The following RAB37 variants were observed in gnomAD, a reference collection of about 807,000 sequenced individuals.
RAB37 encodes ras-related protein Rab-37.
RAB37 carries 29 observed loss-of-function variants against 33.1 expected under a neutral mutation model. The observed-to-expected ratio is 0.88, with a 90% CI of 0.65 to 1.20. RAB37 has a LOEUF of 1.20. Ranked by LOEUF, RAB37 falls within the 50% of genes most tolerant of loss-of-function variation. The probability of loss-of-function intolerance (pLI) is 0.00; values close to 1 mark genes in which losing one functional copy is unlikely to be tolerated. For missense variants in RAB37, 299 were observed against 301.1 expected, an observed-to-expected ratio of 0.99 and a Z score of 0.05; for synonymous variants, 128 against 119.5, an observed-to-expected ratio of 1.07 and a Z score of -0.47.
At chr17:74,683,636 A>G (rs149958508) in intron 1 of RAB37, among the ~76,000 whole-genome samples, 5 of 152,308 alleles carry the variant, frequency 3.3e-5, no homozygotes, top group African/African-American at 9.6e-5. Context: ...TTTTTATTTT[A>G]TATAGCCATT....
Position 74,703,186 on chromosome 17 carries a change from C to T in RAB37, c.73-26070C>T, listed in dbSNP as rs549099527. 7.1e-6 allele frequency: 11 copies of T among 1,546,224 alleles called. No individual in the cohort carries two copies. The East Asian group carries it at 1.8e-4, about 25-fold the overall frequency. On this transcript the variant is annotated intron_variant, in intron 1 of 7. Transcript: ENST00000340415. ...TGTATAAACCAGATCACAGATGCCC[C>T]TGCCCATGAGCCCACCCGCAGCCCT...
chr17:74,712,945 G>T, intron 1 of RAB37: 2 of 1,424,806 alleles, frequency 1.4e-6, no homozygotes, highest in Non-Finnish European at 2.0e-6. Flanking sequence ...GCCTTCTGCT[G>T]GTACTCACTC....
intron 1 of RAB37, among the ~76,000 whole-genome samples, chr17:74,700,613 A>G (rs759862891): frequency 2.6e-5 from 4 of 152,028 alleles, no homozygotes; most frequent in African/African-American, 4.8e-5. Flanking sequence ...GTGGTGGTGC[A>G]TTCCTGTAAT....
chr17:74,740,932 G>C, intron 2 of RAB37, 54 bp downstream of exon 2: 1 of 1,352,298 alleles, frequency 7.4e-7, no homozygotes, highest in Non-Finnish European at 1.1e-6. Flanking sequence ...TGTGGCTCAG[G>C]CATGGGGGGG....
At position 74,742,867 on chromosome 17, in the gene RAB37, C is replaced by T. The variant is rs941887816; in HGVS notation, c.247-262C>T. On this transcript the variant is annotated intron_variant, in intron 3 of 8. Coordinates refer to ENST00000392613, the MANE Select transcript of RAB37 (RefSeq NM_001006638.3). The surrounding 1 kb of genome is among the most constrained non-coding windows in gnomAD (Gnocchi z 4.0). ...GTCTGGATCTCCTGACCTCGTGATCCGCCTGCCTCGGCCTCCCAAAGTGCT... is the reference window on the plus strand; with the variant it reads ...GTCTGGATCTCCTGACCTCGTGATCTGCCTGCCTCGGCCTCCCAAAGTGCT... Among the ~76,000 whole-genome samples the T allele has an allele frequency of 6.6e-6, 1 of 152,048 alleles. No individual in the cohort carries two copies. Among genetic ancestry groups the T allele is most frequent in the African/African-American group, 2.4e-5 (1 of 41,374 alleles).
chr17:74,726,402 T>C (rs2034308836), intron 1 of RAB37, among the ~76,000 whole-genome samples: 2 of 151,636 alleles, frequency 1.3e-5, no homozygotes. Context: ...TGAAAATTGA[T>C]GGAAACTCCT....
intron 1 of RAB37, among the ~76,000 whole-genome samples, chr17:74,697,435 C>G (rs577660846): frequency 7.1e-4 from 108 of 152,268 alleles, no homozygotes; most frequent in African/African-American, 2.6e-3. Context: ...AGGCCGTGGG[C>G]AATACATTTG....
intron 1 of RAB37, among the ~76,000 whole-genome samples, chr17:74,723,864 G>A (rs1429806354): frequency 1.3e-5 from 2 of 151,908 alleles, no homozygotes; most frequent in Non-Finnish European, 2.9e-5. Flanking sequence ...ATGAGCCACC[G>A]CACCCGGCCG....
At chr17:74,699,745 G>A (rs989146731) in intron 1 of RAB37, among the ~76,000 whole-genome samples, 10 of 152,084 alleles carry the variant, frequency 6.6e-5, no homozygotes, top group African/African-American at 2.2e-4. Flanking sequence ...CACTCGTAAC[G>A]GCGGCCACAG....
chr17:74,679,977 CA>C (rs11306402), intron 1 of RAB37, among the ~76,000 whole-genome samples: 38,020 of 107,230 alleles, frequency 0.35, 7,152 homozygotes, highest in African/African-American at 0.58. Context: ...GGCTCTGTCT[CA>C]AAAAAAAAAA....
chr17:74,689,528 G>T (rs1340705649), intron 1 of RAB37, among the ~76,000 whole-genome samples: 3 of 152,082 alleles, frequency 2.0e-5, no homozygotes, highest in Non-Finnish European at 4.4e-5. Context: ...CTTTTTCAAT[G>T]AACTGACCAA....
chr17:74,742,289 G>A lies in RAB37; in HGVS notation c.240G>A (p.Lys80=), dbSNP rs762551296. The A allele has an allele frequency of 1.9e-6, 3 of 1,612,962 alleles. No homozygotes were observed. Among genetic ancestry groups the A allele is most frequent in the Non-Finnish European group, 8.5e-7 (1 of 1,179,256 alleles). Residue 80 remains lysine (K), a synonymous_variant, in exon 3 of 9, where the codon AAG becomes AAA. Transcript: ENST00000392613. The surrounding 1 kb of genome is among the most constrained non-coding windows in gnomAD (Gnocchi z 4.0). ...TGACTGTGGATGGCGTGAGAGTGAAGCTGCAGGTGAGACCAGAGGCTGGAG... is the reference window on the plus strand; with the variant it reads ...TGACTGTGGATGGCGTGAGAGTGAAACTGCAGGTGAGACCAGAGGCTGGAG... ...KVVTVDGVRV[K]LQIWDTAGQE... is the part of the protein sequence containing the mutation.
In RAB37 at chr17:74,729,731, C is replaced by A. The variant is rs2034361632; in HGVS notation, c.183+365C>A. On this transcript the variant is annotated intron_variant, in intron 2 of 7. Coordinates refer to the RAB37 transcript ENST00000340415. This position sits in a 1 kb window ranked among gnomAD's most constrained non-coding sequence, Gnocchi z 4.2. ...AGGGAGGCAGCCAGGAGAACAATCC[C>A]CTGTCCCACCTTGCTCTCCTCCTGC... is the stretch of plus-strand genomic sequence containing the variant. 1.3e-5 allele frequency among the ~76,000 whole-genome samples: 2 copies of A among 152,116 alleles called. No homozygotes were observed. Among genetic ancestry groups the A allele is most frequent in the African/African-American group, 4.8e-5 (2 of 41,448 alleles).
intron 1 of RAB37, among the ~76,000 whole-genome samples, chr17:74,696,991 G>A (rs2032549503): frequency 6.6e-6 from 1 of 152,106 alleles, no homozygotes; most frequent in Non-Finnish European, 1.5e-5. Flanking sequence ...ACCCATGCCG[G>A]AGGGCAATGG....
At chr17:74,711,844 C>G (rs1422955820) in intron 1 of RAB37, among the ~76,000 whole-genome samples, 1 of 151,842 alleles carries the variant, frequency 6.6e-6, no homozygotes, top group East Asian at 1.9e-4. Flanking sequence ...CAGTACTTAT[C>G]ACTTCTCACT....
At chr17:74,736,937 AGCAGACGGGGTCCCCGCGGCCCGCTC>A, upstream of RAB37, 39 of 1,511,670 alleles carry the variant, frequency 2.6e-5, no homozygotes, top group South Asian at 3.3e-4. Flanking sequence ...ACTCTTCCGC[AGCAGACGGGGTCCCCGCGGCCCGCTC>A]CCCCAGGGGC....
Position 74,693,928 on chromosome 17 carries a change from CA to C in RAB37, c.72+22282del, listed in dbSNP as rs901064504. ...TGGGGAACAGAGTGAGACTCTTTCT[CA>C]AAAAAAAAAAAGATAGTCCAGCATC... is the stretch of plus-strand genomic sequence containing the variant. On this transcript the variant is annotated intron_variant, in intron 1 of 7. Transcript: ENST00000340415. Among the ~76,000 whole-genome samples, 274 of 140,256 alleles carry C rather than the reference CA, an allele frequency of 2.0e-3. 3 individuals carry two copies. Among genetic ancestry groups the C allele is most frequent in the Middle Eastern group, 0.015 (4 of 270 alleles). 92.0% of individuals were successfully genotyped at this position (140,256 alleles called of 152,430 possible).
intron 1 of RAB37, among the ~76,000 whole-genome samples, chr17:74,688,977 T>C (rs2032107142): frequency 6.6e-6 from 1 of 152,190 alleles, no homozygotes; most frequent in Non-Finnish European, 1.5e-5. Flanking sequence ...TAACTACACA[T>C]TTAGATATTT....
At chr17:74,693,496 A>G (rs2032207348) in intron 1 of RAB37, among the ~76,000 whole-genome samples, 1 of 152,188 alleles carries the variant, frequency 6.6e-6, no homozygotes, top group Admixed American at 6.5e-5. Context: ...TCCATGGCAG[A>G]GAATGAAAGA....
Sources: gnomAD v4.1 joint callset for allele counts (sites outside exome capture counted in the v4.1 genomes callset) on GRCh38, gnomAD v4.1.1 for gene constraint, Gnocchi (gnomAD v3.1) non-coding constraint, MANE v1.5 for transcripts, NCBI Gene and HGNC (gene_info 2026-07-23, HGNC 2026-07-21) for gene names.